LOC400499: variants seen among roughly 807,000 people sequenced by gnomAD.
the LOC400499 span, among the ~76,000 whole-genome samples, chr16:11,397,654 T>G: frequency 2.6e-5 from 4 of 151,932 alleles, no homozygotes; most frequent in South Asian, 8.3e-4. Flanking sequence ...AGTGGTAAAG[T>G]TGGTTGTTGG....
the LOC400499 span, chr16:11,488,949 G>A: frequency 1.6e-3 from 619 of 397,172 alleles, 3 homozygotes; most frequent in Middle Eastern, 5.0e-3. Context: ...AGACCCTCCC[G>A]ACCCCCATCC....
the LOC400499 span, among the ~76,000 whole-genome samples, chr16:11,464,168 T>TGC: frequency 2.5e-5 from 1 of 40,106 alleles, no homozygotes; most frequent in Admixed American, 2.8e-4. Context: ...TGTATGGACA[T>TGC]GTGTATGTCA....
chr16:11,429,583 C>T, the LOC400499 span, among the ~76,000 whole-genome samples: 6 of 152,170 alleles, frequency 3.9e-5, no homozygotes, highest in Non-Finnish European at 7.3e-5. Context: ...GAGTGATTCT[C>T]GTGCCTCAGC....
At chr16:11,520,173 G>C in the LOC400499 span, among the ~76,000 whole-genome samples, 1 of 152,162 alleles carries the variant, frequency 6.6e-6, no homozygotes, top group Non-Finnish European at 1.5e-5. Context: ...GGTGGTGATG[G>C]TTGTACAACG....
At chr16:11,385,450 G>A in the LOC400499 span, 1 of 1,220,000 alleles carries the variant, frequency 8.2e-7, no homozygotes, top group Non-Finnish European at 1.0e-6. Context: ...AGGGTGAGCG[G>A]GGCCAGCTCC....
the LOC400499 span, among the ~76,000 whole-genome samples, chr16:11,419,771 A>G: frequency 2.0e-5 from 3 of 152,150 alleles, no homozygotes; most frequent in African/African-American, 7.2e-5. Context: ...ACCCCATCAA[A>G]AAGTGGGCAA....
chr16:11,392,489 T>C, the LOC400499 span: 1 of 398,854 alleles, frequency 2.5e-6, no homozygotes, highest in Non-Finnish European at 4.4e-6. Context: ...CACCACACTC[T>C]CCTCTCTGCC....
At chr16:11,415,377 G>A in the LOC400499 span, among the ~76,000 whole-genome samples, 14 of 152,184 alleles carry the variant, frequency 9.2e-5, no homozygotes, top group African/African-American at 2.7e-4. Flanking sequence ...CCAGGCTCCA[G>A]CACCTCCCAT....
At chr16:11,429,411 C>T in the LOC400499 span, among the ~76,000 whole-genome samples, 17 of 152,222 alleles carry the variant, frequency 1.1e-4, no homozygotes, top group South Asian at 1.9e-3. Context: ...ATTGCAAGGA[C>T]AGACTAATAT....
the LOC400499 span, among the ~76,000 whole-genome samples, chr16:11,406,869 G>A: frequency 3.9e-5 from 6 of 152,158 alleles, no homozygotes; most frequent in Admixed American, 2.6e-4. Context: ...CGTTTTCTCC[G>A]TATCATAGTA....
At chr16:11,485,086 G>A in the LOC400499 span, 1 of 398,876 alleles carries the variant, frequency 2.5e-6, no homozygotes, top group East Asian at 3.6e-5. Flanking sequence ...GGGAAGGGAA[G>A]CCACAGGCTC....
the LOC400499 span, among the ~76,000 whole-genome samples, chr16:11,434,459 A>G: frequency 2.8e-4 from 43 of 152,240 alleles, no homozygotes; most frequent in African/African-American, 7.9e-4. Flanking sequence ...GCAGTCTCGC[A>G]CACTTAACAT....
At chr16:11,401,322 G>A in the LOC400499 span, 57 of 399,148 alleles carry the variant, frequency 1.4e-4, no homozygotes, top group East Asian at 1.8e-4. Flanking sequence ...TCGGCTTGCC[G>A]CCAAGGGAGG....
the LOC400499 span, among the ~76,000 whole-genome samples, chr16:11,446,272 C>T: frequency 6.6e-6 from 1 of 152,156 alleles, no homozygotes. Context: ...GTCTCAGCCT[C>T]CCCAGTAGCT....
At chr16:11,472,027 T>G in the LOC400499 span, 1 of 389,858 alleles carries the variant, frequency 2.6e-6, no homozygotes, top group Non-Finnish European at 4.5e-6. Flanking sequence ...TCAGATCATC[T>G]TATTTGGGGG....
chr16:11,497,346 G>C, the LOC400499 span, among the ~76,000 whole-genome samples: 1 of 152,228 alleles, frequency 6.6e-6, no homozygotes, highest in Non-Finnish European at 1.5e-5. Flanking sequence ...CCCTATATTT[G>C]AGCAAAGAAA....
chr16:11,452,017 G>A, the LOC400499 span, among the ~76,000 whole-genome samples: 58 of 152,160 alleles, frequency 3.8e-4, no homozygotes, highest in African/African-American at 1.3e-3. Context: ...GAAACCCACC[G>A]GTCTGCACAT....
chr16:11,437,133 G>C, the LOC400499 span, among the ~76,000 whole-genome samples: 1,538 of 152,342 alleles, frequency 0.01, 34 homozygotes, highest in African/African-American at 0.035. Context: ...ATAGTAAAAT[G>C]ATCAGTGGTT....
the LOC400499 span, among the ~76,000 whole-genome samples, chr16:11,487,803 A>G: frequency 6.6e-6 from 1 of 152,182 alleles, no homozygotes; most frequent in Non-Finnish European, 1.5e-5. Context: ...CAAGCCACAG[A>G]ATCCAGGAGA....
Sources: allele counts gnomAD v4.1 joint callset (sites outside exome capture counted in the v4.1 genomes callset), GRCh38; gene constraint gnomAD v4.1.1; transcripts MANE v1.5.